Variants in RUBCNL observed in about 807,000 individuals in gnomAD.
The protein encoded by RUBCNL is rubicon like autophagy enhancer, also known as protein associated with UVRAG as autophagy enhancer.
In RUBCNL, 62 loss-of-function variants were observed where a neutral mutation model predicts 69.5. The ratio of observed to expected loss-of-function variants is 0.89; its 90% confidence interval spans 0.73 to 1.10. RUBCNL has a LOEUF of 1.10. RUBCNL is among the 50% of genes least tolerant of loss of function. RUBCNL has a pLI of 0.00. For synonymous variants in RUBCNL, 291 were observed against 303.6 expected (o/e 0.96, Z 0.43); for missense variants, 768 against 798.1 (o/e 0.96, Z 0.45).
intron 10 of RUBCNL, chr13:46,355,010 T>C (rs1365119393): frequency 3.0e-6 from 1 of 328,162 alleles, no homozygotes; most frequent in Non-Finnish European, 6.2e-6. Flanking sequence ...AAATGACTCA[T>C]TCAAAGAAAA....
intron 1 of RUBCNL, among the ~76,000 whole-genome samples, chr13:46,383,446 C>T (rs922017587): frequency 6.6e-6 from 1 of 152,206 alleles, no homozygotes; most frequent in East Asian, 1.9e-4. Flanking sequence ...CTTCTGACAC[C>T]TTCCTCCTCA....
intron 3 of RUBCNL, 31 bp from the exon 4 acceptor site, chr13:46,368,846 GA>G: frequency 2.0e-6 from 3 of 1,522,166 alleles, no homozygotes; most frequent in Non-Finnish European, 2.7e-6. Context: ...TAAAAATGGG[GA>G]AAAGGGAGTT....
At chr13:46,362,917 GAAC>G (rs1282698926) in intron 6 of RUBCNL, among the ~76,000 whole-genome samples, 195 bp downstream of exon 6, 2 of 94,568 alleles carry the variant, frequency 2.1e-5, no homozygotes, top group South Asian at 3.6e-4. Flanking sequence ...TTTGAAACAA[GAAC>G]ATCATATATA....
At chr13:46,370,275 T>G (rs1402467089) in intron 3 of RUBCNL, among the ~76,000 whole-genome samples, 1 of 152,220 alleles carries the variant, frequency 6.6e-6, no homozygotes, top group Non-Finnish European at 1.5e-5. Context: ...AAATGTGTAG[T>G]TCCTATGCCA....
chr13:46,375,505 C>G (rs1413583254), intron 2 of RUBCNL, among the ~76,000 whole-genome samples: 2 of 152,090 alleles, frequency 1.3e-5, no homozygotes, highest in African/African-American at 4.8e-5. Flanking sequence ...TGCACTCCAG[C>G]CTGGACGACA....
intron 2 of RUBCNL, chr13:46,374,280 T>C (rs1190202800): frequency 6.6e-6 from 1 of 152,338 alleles, no homozygotes; most frequent in African/African-American, 2.4e-5. Flanking sequence ...GGTTTCACCA[T>C]GTTGGCCAGG....
At chr13:46,360,652 T>C (rs2048590592) in intron 8 of RUBCNL, among the ~76,000 whole-genome samples, 1 of 152,226 alleles carries the variant, frequency 6.6e-6, no homozygotes, top group Admixed American at 6.5e-5. Context: ...TAAGTTCCCC[T>C]GGTAAAATTA....
chr13:46,386,074 T>C (rs180869283), intron 1 of RUBCNL, among the ~76,000 whole-genome samples: 55 of 152,286 alleles, frequency 3.6e-4, no homozygotes, highest in Admixed American at 3.5e-3. Flanking sequence ...CAAACAAAGT[T>C]CTGTCGGCGG....
rs2048898419 is a variant in RUBCNL, at chr13:46,372,385, T to C, written c.91A>G (p.Arg31Gly). 1.2e-6 allele frequency: 2 copies of C among 1,613,956 alleles called. No individual in the cohort carries two copies. Among genetic ancestry groups the C allele is most frequent in the Non-Finnish European group, 8.5e-7 (1 of 1,179,868 alleles). Residue 31 changes from arginine to glycine, a missense_variant, in exon 3 of 15, where the codon AGA (arginine) becomes GGA (glycine). Transcript: ENST00000429979. ...GGAGGATGGTCAGTGTTCAGGAGTC[T>C]GGGCGAACCATCAATAATGCCAGAG... ...DHSGIIDGSPRLLNTDHPPCQ... is the reference protein window; with the variant it reads ...DHSGIIDGSPGLLNTDHPPCQ...
intron 2 of RUBCNL, among the ~76,000 whole-genome samples, chr13:46,373,075 G>A (rs1341023109): frequency 6.6e-6 from 1 of 151,856 alleles, no homozygotes; most frequent in Non-Finnish European, 1.5e-5. Context: ...CCAGGTTCAA[G>A]CTATTCTGGT....
chr13:46,351,665 T>C (rs1227040742), intron 10 of RUBCNL, among the ~76,000 whole-genome samples: 1 of 152,092 alleles, frequency 6.6e-6, no homozygotes, highest in Non-Finnish European at 1.5e-5. Context: ...GCATAGGAAG[T>C]GGACATCCAG....
intron 2 of RUBCNL, among the ~76,000 whole-genome samples, chr13:46,373,760 C>T (rs1456175229): frequency 6.6e-6 from 1 of 152,238 alleles, no homozygotes; most frequent in South Asian, 2.1e-4. Context: ...GAGTCAATTA[C>T]AGGGCTGTAA....
In RUBCNL at chr13:46,372,338, G is replaced by A. The variant is rs1313035883; in HGVS notation, c.138C>T (p.Leu46=). ...TAATCCAGACAGCTTTGTGCCTCATGAGCCTGATGTCTAATTGGCAAGGAG... is the reference window on the plus strand; with the variant it reads ...TAATCCAGACAGCTTTGTGCCTCATAAGCCTGATGTCTAATTGGCAAGGAG... The part of the protein sequence containing the change: ...DHPPCQLDIR[L]MRHKAVWINP... Residue 46 remains leucine, a synonymous_variant, in exon 3 of 15, where the codon CTC becomes CTT. Transcript: ENST00000429979. 6.8e-6 allele frequency: 11 copies of A among 1,614,022 alleles called. No individual in the cohort carries two copies. The highest frequency in any genetic ancestry group is 9.3e-6 in the Non-Finnish European group (11 of 1,179,898).
In RUBCNL at chr13:46,344,790, A is replaced by G; in HGVS notation, c.1827T>C (p.Asn609=). 2 of 1,612,122 alleles carry G rather than the reference A, an allele frequency of 1.2e-6. No homozygotes were observed. The highest frequency in any genetic ancestry group is 1.7e-6 in the Non-Finnish European group (2 of 1,179,050). ...GKGFICEFCQ[N]TTVIFPFQTA... ...TCTGAAATGGGAAGATGACAGTCGTATTCTGGCAAAATTCACAAATAAAGC... is the reference window on the plus strand; with the variant it reads ...TCTGAAATGGGAAGATGACAGTCGTGTTCTGGCAAAATTCACAAATAAAGC... The change falls in exon 14 of 15, where the codon AAT becomes AAC. Residue 609 remains asparagine, a synonymous_variant. Coordinates refer to ENST00000429979, the MANE Select transcript of RUBCNL (RefSeq NM_025113.5).
intron 3 of RUBCNL, among the ~76,000 whole-genome samples, chr13:46,369,822 T>G (rs138789763): frequency 6.6e-6 from 1 of 152,250 alleles, no homozygotes; most frequent in Non-Finnish European, 1.5e-5. Context: ...CTCAGCATGA[T>G]GGAGTTGCAA....
intron 9 of RUBCNL, among the ~76,000 whole-genome samples, chr13:46,357,713 T>A (rs2048522470): frequency 6.6e-6 from 1 of 151,382 alleles, no homozygotes. Flanking sequence ...CACTGCAACC[T>A]TCACCTCCCA....
intron 5 of RUBCNL, 82 bp downstream of exon 5, chr13:46,367,960 T>C: frequency 3.9e-6 from 5 of 1,295,194 alleles, no homozygotes; most frequent in South Asian, 1.2e-5. Context: ...TTGGAATATA[T>C]GCCCCGTGGA....
upstream of RUBCNL, among the ~76,000 whole-genome samples, chr13:46,388,629 C>T (rs2049301328): frequency 6.6e-6 from 1 of 152,188 alleles, no homozygotes; most frequent in African/African-American, 2.4e-5. Context: ...GGGGAAGGAC[C>T]TCTGAGCTGC....
In RUBCNL at chr13:46,372,517, T is replaced by C. The variant is rs1193515699; in HGVS notation, c.-42A>G. The C allele has an allele frequency of 2.6e-6, 4 of 1,547,054 alleles. No individual in the cohort carries two copies. The highest frequency in any genetic ancestry group is 2.2e-4 in the Middle Eastern group (1 of 4,504). On this transcript the variant is annotated 5_prime_UTR_variant, in exon 3 of 15. Coordinates refer to ENST00000429979, the MANE Select transcript of RUBCNL (RefSeq NM_025113.5). ...CTGGTGTGAATCCATTCAAAACAGA[T>C]AGGAGTTCCCTGATTGCTGGTACTA...
Sources: gnomAD v4.1 joint callset for allele counts (sites outside exome capture counted in the v4.1 genomes callset) on GRCh38, gnomAD v4.1.1 for gene constraint, MANE v1.5 for transcripts, NCBI Gene and HGNC (gene_info 2026-07-23, HGNC 2026-07-21) for gene names.